Variants in PRDM8 observed in about 807,000 individuals in gnomAD.
PRDM8 encodes the protein PR domain zinc finger protein 8.
A neutral mutation model predicts 46.5 loss-of-function variants in PRDM8; 13 were observed. The observed-to-expected ratio is 0.28, with a 90% CI of 0.18 to 0.44. The LOEUF is 0.44. PRDM8 is among the 20% of genes least tolerant of loss of function. The probability of loss-of-function intolerance (pLI) is 1.00; values close to 1 mark genes in which losing one functional copy is unlikely to be tolerated. For missense variants in PRDM8, 998 were observed against 955.0 expected (o/e 1.04, Z -0.59); for synonymous variants, 473 against 438.4 (o/e 1.08, Z -0.98).
rs767788716 is a variant in PRDM8 at position 80,203,140 on chromosome 4, G to C, written c.1678G>C (p.Gly560Arg). 37 of 1,557,290 alleles carry C rather than the reference G, an allele frequency of 2.4e-5. No individual in the cohort carries two copies. The highest frequency in any genetic ancestry group is 2.3e-5 in the Non-Finnish European group (27 of 1,159,354). Reference protein sequence around the residue: ...QGAADLNGGCGSLPSGGGGLP... With the variant: ...QGAADLNGGCRSLPSGGGGLP... ...GGCCGCGGACCTGAACGGAGGTTGC[G>C]GGTCCCTGCCGAGCGGCGGCGGCGG... The change falls in exon 4 of 4, where the codon GGG becomes CGG. Residue 560 changes from glycine to arginine, a missense_variant. By Grantham distance (125) the Gly-to-Arg change is moderately radical. Transcript: ENST00000415738.
At chr4:80,186,461 T>C (rs1486031762) in intron 1 of PRDM8, among the ~76,000 whole-genome samples, 1 of 36,566 alleles carries the variant, frequency 2.7e-5, no homozygotes, top group Non-Finnish European at 6.5e-5. Context: ...GAGAGATTGA[T>C]TGTCAAGATC....
At chr4:80,198,692 G>C (rs986185027) in intron 1 of PRDM8, among the ~76,000 whole-genome samples, 1 of 151,872 alleles carries the variant, frequency 6.6e-6, no homozygotes, top group African/African-American at 2.4e-5. Context: ...TGGAATGGGG[G>C]GAAAAAAGCA....
upstream of PRDM8, chr4:80,196,539 C>CGGCA (rs1737975408): frequency 1.0e-6 from 1 of 985,290 alleles, no homozygotes; most frequent in Admixed American, 6.1e-5. Flanking sequence ...GAGACGGCCT[C>CGGCA]GGCAACTCCA....
intron 1 of PRDM8, among the ~76,000 whole-genome samples, chr4:80,198,734 G>C (rs1313856328): frequency 6.6e-6 from 1 of 152,082 alleles, no homozygotes; most frequent in Non-Finnish European, 1.5e-5. Context: ...AGGTTAACTG[G>C]TTAATATAAA....
chr4:80,202,310 T>A lies in PRDM8; in HGVS notation c.848T>A (p.Leu283His). Residue 283 changes from leucine (L) to histidine (H), a missense_variant, in exon 4 of 4, where the codon CTC becomes CAC. By Grantham distance (99) the Leu-to-His change is moderately conservative. Coordinates refer to ENST00000415738, the MANE Select transcript of PRDM8 (RefSeq NM_001099403.2). ...AGCAGCTGCTCCCCAGCCCAGAGCC[T>A]CAGCAGCGGTAGCGGCAGCGGCGGC... ...GGSSCSPAQSLSSGSGSGGGG... is the reference protein window; with the variant it reads ...GGSSCSPAQSHSSGSGSGGGG... 1 of 1,601,894 alleles carries A rather than the reference T, an allele frequency of 6.2e-7. No homozygotes were observed. Among genetic ancestry groups the A allele is most frequent in the Non-Finnish European group, 8.5e-7 (1 of 1,175,794 alleles).
rs563336521 is a variant in PRDM8, at chr4:80,198,044, C to G, written c.-3+281C>G. On this transcript the variant is annotated intron_variant, in intron 1 of 3. Coordinates refer to ENST00000415738, the MANE Select transcript of PRDM8 (RefSeq NM_001099403.2). ...GCGACCGGCTTTCAGAAAGCCCCGC[C>G]GGCTCTGGGGTATATTCCCAGGGCA... 3.9e-5 allele frequency among the ~76,000 whole-genome samples: 6 copies of G among 152,340 alleles called. No homozygotes were observed. The East Asian group carries it at 1.2e-3, about 29-fold the overall frequency.
chr4:80,193,444 AACCC>A (rs1175467207), upstream of PRDM8, among the ~76,000 whole-genome samples: 1 of 152,198 alleles, frequency 6.6e-6, no homozygotes, highest in African/African-American at 2.4e-5. Flanking sequence ...TCTTTTTAAA[AACCC>A]ACCATGTATC....
chr4:80,188,944 G>A (rs189731648), intron 1 of PRDM8, among the ~76,000 whole-genome samples: 1 of 152,220 alleles, frequency 6.6e-6, no homozygotes, highest in African/African-American at 2.4e-5. Flanking sequence ...CCTGCACAAA[G>A]CTCCAGTGCC....
In PRDM8 at chr4:80,202,015, G is replaced by T. The variant is rs1292099355; in HGVS notation, c.553G>T (p.Ala185Ser). 1 of 1,614,132 alleles carries T rather than the reference G, an allele frequency of 6.2e-7. No individual in the cohort carries two copies. Among genetic ancestry groups the T allele is most frequent in the African/African-American group, 1.3e-5 (1 of 75,020 alleles). Residue 185 changes from alanine (A) to serine (S), a missense_variant, in exon 4 of 4, where the codon GCT (alanine) becomes TCT (serine). Transcript: ENST00000415738. ...CCGCTGCCCCAAGAGACTTCACAGC[G>T]CTGATATAAGTCCCCAAGACGAACA... ...RFRCPKRLHS[A>S]DISPQDEQGG...
Position 80,203,052 on chromosome 4 carries a change from C to T in PRDM8, c.1590C>T (p.Asp530=), listed in dbSNP as rs763088636. 1.9e-6 allele frequency: 3 copies of T among 1,557,486 alleles called. No homozygotes were observed. Among genetic ancestry groups the T allele is most frequent in the South Asian group, 2.3e-5 (2 of 85,920 alleles). ...LGALEPCHPA[D]GVGPTRLYPA... ...CGCTCGAGCCATGCCACCCCGCCGACGGCGTGGGCCCCACCAGACTCTATC... is the reference window on the plus strand; with the variant it reads ...CGCTCGAGCCATGCCACCCCGCCGATGGCGTGGGCCCCACCAGACTCTATC... The change falls in exon 4 of 4, where the codon GAC becomes GAT. Residue 530 remains aspartate, a synonymous_variant. Transcript: ENST00000415738.
chr4:80,201,885 CGTGTGTGT>C (rs144574979), intron 3 of PRDM8, 21 bp from the exon 4 acceptor site: 2 of 1,600,714 alleles, frequency 1.2e-6, no homozygotes, highest in African/African-American at 2.8e-5. Context: ...TGCGTGCGTG[CGTGTGTGT>C]GGTGTTTGCT....
intron 2 of PRDM8, among the ~76,000 whole-genome samples, chr4:80,191,849 G>T (rs1578245765): frequency 6.6e-6 from 1 of 152,330 alleles, no homozygotes; most frequent in Middle Eastern, 3.4e-3. Context: ...TTTTCACTCA[G>T]AGTTCAGTTG....
intron 1 of PRDM8, among the ~76,000 whole-genome samples, chr4:80,190,424 C>T (rs563346546): frequency 2.0e-5 from 3 of 152,344 alleles, no homozygotes; most frequent in Admixed American, 6.5e-5. Context: ...ACGGTTTGCG[C>T]ACTGTGCGTC....
chr4:80,190,548 C>T lies in PRDM8; in HGVS notation c.-982-924C>T, dbSNP rs1015646322. ...GCTCAAACGATGTGATCTGTGTCTGCGCCTCCTGATACTGTGGGGGCGTTA... is the reference window on the plus strand; with the variant it reads ...GCTCAAACGATGTGATCTGTGTCTGTGCCTCCTGATACTGTGGGGGCGTTA... On this transcript the variant is annotated intron_variant, in intron 1 of 9. Transcript: ENST00000339711. Among the ~76,000 whole-genome samples, 5 of 152,208 alleles carry T rather than the reference C, an allele frequency of 3.3e-5. No homozygotes were observed. In the East Asian group the frequency reaches 9.6e-4, roughly 29 times the overall value.
At chr4:80,201,850 T>C (rs1212377715) in intron 3 of PRDM8, 64 bp from the exon 4 acceptor site, 1 of 1,598,652 alleles carries the variant, frequency 6.3e-7, no homozygotes, top group Non-Finnish European at 8.5e-7. Flanking sequence ...TGAGTAATCA[T>C]GTGGTGTGCG....
chr4:80,194,453 G>A (rs1737794124), upstream of PRDM8, among the ~76,000 whole-genome samples: 1 of 152,170 alleles, frequency 6.6e-6, no homozygotes, highest in South Asian at 2.1e-4. Flanking sequence ...TATTAATGCA[G>A]AGTGATTTCA....
intron 1 of PRDM8, among the ~76,000 whole-genome samples, chr4:80,186,453 G>C (rs1055433304): frequency 6.6e-6 from 1 of 151,806 alleles, no homozygotes; most frequent in African/African-American, 2.4e-5. Flanking sequence ...GAGAGAGAGA[G>C]AGATTGATTG....
In PRDM8 at chr4:80,202,151, C is replaced by G. The variant is rs1022510998; in HGVS notation, c.689C>G (p.Ala230Gly). The G allele has an allele frequency of 2.8e-5, 45 of 1,609,862 alleles. No individual in the cohort carries two copies. Among genetic ancestry groups the G allele is most frequent in the Middle Eastern group, 1.6e-4 (1 of 6,066 alleles). The change falls in exon 4 of 4, where the codon GCC becomes GGC. Residue 230 changes from alanine (A) to glycine (G), a missense_variant. Ala to Gly is a moderately conservative substitution (Grantham distance 60, BLOSUM62 0). Transcript: ENST00000415738. ...GGCCCGGGTCCCAAGTTTTGCAAAG[C>G]CGGCCCCCTCCACCACTACCCATCC... ...PLGPGPKFCK[A>G]GPLHHYPSPS...
rs568061115 is a variant in PRDM8, at chr4:80,202,708, G to A, written c.1246G>A (p.Ala416Thr). The A allele has an allele frequency of 1.5e-4, 193 of 1,320,674 alleles. 3 individuals are homozygous for A. In the South Asian group the frequency reaches 3.9e-3, roughly 26 times the overall value. The allele number at this position is 1,320,674 out of a possible 1,614,324, so 81.8% of individuals were successfully genotyped here. The change falls in exon 4 of 4, where the codon GCT (alanine) becomes ACT (threonine). Residue 416 changes from alanine to threonine, a missense_variant. Transcript: ENST00000415738. The stretch of plus-strand genomic sequence containing the variant: ...GGGAGTCGCCTCCGAGGACCAGGAC[G>A]CTGGCGGCGGCGGCGGCTCCTCCAC... ...GAGVASEDQD[A>T]GGGGGSSTPA...
Sources: gnomAD v4.1 joint callset for allele counts (sites outside exome capture counted in the v4.1 genomes callset) on GRCh38, gnomAD v4.1.1 for gene constraint, MANE v1.5 for transcripts, NCBI Gene and HGNC (gene_info 2026-07-23, HGNC 2026-07-21) for gene names.